EXOC6B: variants seen among roughly 807,000 people sequenced by gnomAD.
EXOC6B encodes the protein SEC15 homolog B.
EXOC6B carries 54 observed loss-of-function variants against 113.5 expected under a neutral mutation model. The ratio of observed to expected loss-of-function variants is 0.48; its 90% CI spans 0.38 to 0.60. The LOEUF is 0.60. Ranked by LOEUF, EXOC6B falls within the 20% of genes least tolerant of loss-of-function variation. EXOC6B has a pLI of 0.00. For synonymous variants in EXOC6B, 357 were observed against 339.0 expected (o/e 1.05, Z -0.58); for missense variants, 797 against 977.5 (o/e 0.82, Z 2.46).
intron 15 of EXOC6B, among the ~76,000 whole-genome samples, chr2:72,493,328 C>T (rs77789954): frequency 0.01 from 1,026 of 100,764 alleles, 100 homozygotes; most frequent in East Asian, 9.5e-3. Flanking sequence ...CTCCCCCCCC[C>T]CCCCCCGCAT....
intron 19 of EXOC6B, among the ~76,000 whole-genome samples, chr2:72,348,027 T>C (rs575636041): frequency 1.2e-4 from 19 of 152,240 alleles, no homozygotes; most frequent in African/African-American, 4.3e-4. Context: ...ATACCATACA[T>C]TGGGGAGCTT....
chr2:72,699,371 C>T (rs1020956134), intron 6 of EXOC6B, among the ~76,000 whole-genome samples: 3 of 151,370 alleles, frequency 2.0e-5, no homozygotes, highest in Non-Finnish European at 4.4e-5. Context: ...CCCAGCTACT[C>T]AGGAGGCTGA....
chr2:72,366,501 C>A (rs1232223253), intron 19 of EXOC6B, among the ~76,000 whole-genome samples: 1 of 151,876 alleles, frequency 6.6e-6, no homozygotes, highest in East Asian at 1.9e-4. Context: ...GTTTCAGACA[C>A]AAAGGAGAGA....
intron 6 of EXOC6B, among the ~76,000 whole-genome samples, chr2:72,601,660 A>T (rs1157978592): frequency 2.6e-5 from 4 of 152,184 alleles, no homozygotes; most frequent in Admixed American, 1.3e-4. Flanking sequence ...TCCACCAATC[A>T]TGTTCCTAGT....
At chr2:72,224,903 T>C (rs982002651) in intron 20 of EXOC6B, among the ~76,000 whole-genome samples, 1 of 151,434 alleles carries the variant, frequency 6.6e-6, no homozygotes, top group Non-Finnish European at 1.5e-5. Context: ...TGTGTGTATA[T>C]ATATAGATGT....
At chr2:72,735,703 C>G (rs1272655865) in intron 2 of EXOC6B, among the ~76,000 whole-genome samples, 3 of 151,762 alleles carry the variant, frequency 2.0e-5, no homozygotes, top group Non-Finnish European at 2.9e-5. Context: ...AGAATCCCAG[C>G]TACTTGGGAG....
chr2:72,406,252 T>G (rs1463874597), intron 18 of EXOC6B, among the ~76,000 whole-genome samples: 1 of 152,012 alleles, frequency 6.6e-6, no homozygotes, highest in Non-Finnish European at 1.5e-5. Flanking sequence ...ACAATAATAA[T>G]GGGAGACTTT....
At chr2:72,190,286 C>T (rs1382190063) in intron 20 of EXOC6B, among the ~76,000 whole-genome samples, 2 of 152,136 alleles carry the variant, frequency 1.3e-5, no homozygotes, top group Non-Finnish European at 1.5e-5. Context: ...GATACTCCTG[C>T]CCCAGAAAGT....
chr2:72,490,557 ATG>A (rs758762282), intron 16 of EXOC6B, among the ~76,000 whole-genome samples: 8 of 152,196 alleles, frequency 5.3e-5, no homozygotes, highest in Non-Finnish European at 7.4e-5. Flanking sequence ...CTTTATGTGT[ATG>A]TGTCTATACA....
intron 18 of EXOC6B, among the ~76,000 whole-genome samples, chr2:72,456,975 G>A (rs952146023): frequency 1.3e-5 from 2 of 151,560 alleles, no homozygotes; most frequent in Non-Finnish European, 2.9e-5. Context: ...ATAGTTAAAG[G>A]GCAGAAGCAG....
intron 18 of EXOC6B, among the ~76,000 whole-genome samples, chr2:72,421,969 G>A (rs1214767849): frequency 3.9e-5 from 6 of 152,340 alleles, no homozygotes; most frequent in East Asian, 1.9e-4. Context: ...CTTAGCACCC[G>A]GGCCAGTGGC....
At chr2:72,296,056 G>T (rs1367859361) in intron 20 of EXOC6B, among the ~76,000 whole-genome samples, 1 of 151,940 alleles carries the variant, frequency 6.6e-6, no homozygotes, top group Non-Finnish European at 1.5e-5. Flanking sequence ...AGGATACCCA[G>T]CAAGTGTTAT....
intron 18 of EXOC6B, among the ~76,000 whole-genome samples, chr2:72,408,486 CA>C (rs1693939870): frequency 6.6e-6 from 1 of 152,118 alleles, no homozygotes; most frequent in Admixed American, 6.5e-5. Flanking sequence ...CTACAGTAAC[CA>C]AAACAGCATG....
intron 6 of EXOC6B, among the ~76,000 whole-genome samples, chr2:72,711,277 A>T (rs758982094): frequency 3.9e-5 from 6 of 152,194 alleles, no homozygotes; most frequent in Admixed American, 1.3e-4. Context: ...TCAACACAGA[A>T]AATGGAATAG....
Position 72,665,896 on chromosome 2 carries a change from C to A in EXOC6B, c.669+52207G>T, listed in dbSNP as rs187217606. Among the ~76,000 whole-genome samples, 8 of 152,176 alleles carry A rather than the reference C, an allele frequency of 5.3e-5. No homozygotes were observed. The East Asian group carries it at 1.4e-3, about 26-fold the overall frequency. On this transcript the variant is annotated intron_variant, in intron 6 of 21. Transcript: ENST00000272427. ...ACCCCACTTAAAAGGCACAGAGTGG[C>A]AAGGTGAATAAAAAGATGACCCAAT...
intron 6 of EXOC6B, among the ~76,000 whole-genome samples, chr2:72,697,520 C>CA (rs1337032050): frequency 6.6e-6 from 1 of 151,884 alleles, no homozygotes; most frequent in East Asian, 1.9e-4. Context: ...CCTATCTCTA[C>CA]AAAAAATACA....
intron 1 of EXOC6B, among the ~76,000 whole-genome samples, chr2:72,818,064 T>C (rs1686366069): frequency 6.6e-6 from 1 of 152,162 alleles, no homozygotes; most frequent in Admixed American, 6.5e-5. Context: ...CTCTACCTCC[T>C]GGGTTCAAGT....
chr2:72,326,640 G>C (rs947865758), intron 20 of EXOC6B, among the ~76,000 whole-genome samples: 8 of 152,030 alleles, frequency 5.3e-5, no homozygotes, highest in African/African-American at 1.9e-4. Flanking sequence ...AAAAGTTACA[G>C]TCATTGTTCT....
intron 6 of EXOC6B, among the ~76,000 whole-genome samples, chr2:72,632,417 T>G (rs946002530): frequency 1.3e-5 from 2 of 152,198 alleles, no homozygotes; most frequent in Non-Finnish European, 2.9e-5. Flanking sequence ...TGTGTCTATA[T>G]TCTTTAATCC....
Sources: allele counts gnomAD v4.1 joint callset (sites outside exome capture counted in the v4.1 genomes callset), GRCh38; gene constraint gnomAD v4.1.1; transcripts MANE v1.5; gene names NCBI Gene and HGNC (gene_info 2026-07-23, HGNC 2026-07-21).